The following NTM variants were observed in gnomAD, a reference collection of about 807,000 sequenced individuals.
NTM encodes the protein IgLON family member 2.
Under a neutral mutation model 42.1 loss-of-function variants are expected in NTM, and 13 were observed. That is an observed-to-expected ratio of 0.31 (90% CI 0.20 to 0.49). The LOEUF is 0.49. Among genes scored for constraint, NTM ranks in the 20% least tolerant of loss-of-function variants. The pLI is 0.99. For missense variants in NTM, 373 were observed against 452.8 expected, an observed-to-expected ratio of 0.82 and a Z score of 1.60; for synonymous variants, 187 against 179.2, an observed-to-expected ratio of 1.04 and a Z score of -0.35.
chr11:131,405,481 C>T lies in NTM; in HGVS notation c.82+34593C>T, dbSNP rs547827043. ...GTCCTTCCCTTTCCTTCACCCTTAACATCAAATCCATTAGCATTTCTTGTT... is the reference window on the plus strand; with the variant it reads ...GTCCTTCCCTTTCCTTCACCCTTAATATCAAATCCATTAGCATTTCTTGTT... On this transcript the variant is annotated intron_variant, in intron 1 of 8. Coordinates refer to ENST00000683400, the MANE Select transcript of NTM (RefSeq NM_001352005.2). 6.6e-5 allele frequency among the ~76,000 whole-genome samples: 10 copies of T among 152,310 alleles called. No homozygotes were observed. In the South Asian group the frequency reaches 2.1e-3, roughly 32 times the overall value.
At position 132,330,192 on chromosome 11, in the gene NTM, A is replaced by C; in HGVS notation, c.967+7A>C. ...GCCCTGACCCCTTGGAAAGGTTTGTATATTTTTCAGACAGCTGCTGCCTTG... is the reference window on the plus strand; with the variant it reads ...GCCCTGACCCCTTGGAAAGGTTTGTCTATTTTTCAGACAGCTGCTGCCTTG... On this transcript the variant is annotated splice_region_variant and intron_variant, in intron 8 of 8. Coordinates refer to ENST00000683400, the MANE Select transcript of NTM (RefSeq NM_001352005.2). 1.9e-6 allele frequency: 3 copies of C among 1,551,590 alleles called. No homozygotes were observed. The highest frequency in any genetic ancestry group is 2.6e-6 in the Non-Finnish European group (3 of 1,146,880).
At chr11:131,592,379 C>T (rs1482928068) in intron 1 of NTM, among the ~76,000 whole-genome samples, 10 of 152,090 alleles carry the variant, frequency 6.6e-5, no homozygotes, top group East Asian at 1.9e-4. Flanking sequence ...CTAAGATCCA[C>T]GAAGTCTAGC....
At chr11:131,912,327 G>A (rs492768) in intron 2 of NTM, among the ~76,000 whole-genome samples, 24,671 of 152,204 alleles carry the variant, frequency 0.16, 2,323 homozygotes, top group South Asian at 0.29. Context: ...AACGGTACAT[G>A]CAAAACTCGT....
intron 1 of NTM, among the ~76,000 whole-genome samples, chr11:131,442,799 T>C (rs548994578): frequency 6.6e-6 from 1 of 151,962 alleles, no homozygotes; most frequent in African/African-American, 2.4e-5. Flanking sequence ...TACGTGTATA[T>C]ATTATATATA....
chr11:132,211,988 G>A (rs1236829337), intron 3 of NTM, 34 bp from the exon 4 acceptor site: 2 of 1,597,632 alleles, frequency 1.3e-6, no homozygotes, highest in South Asian at 1.1e-5. Flanking sequence ...TGTTTCAGGA[G>A]GATTTTTATT....
intron 2 of NTM, among the ~76,000 whole-genome samples, chr11:132,106,875 C>T (rs955000290): frequency 2.6e-5 from 4 of 152,072 alleles, no homozygotes; most frequent in Non-Finnish European, 4.4e-5. Flanking sequence ...ATTCCCTGAG[C>T]GTGATCATTT....
At chr11:132,053,278 T>C (rs2079116061) in intron 2 of NTM, among the ~76,000 whole-genome samples, 1 of 152,226 alleles carries the variant, frequency 6.6e-6, no homozygotes. Context: ...ATCCGAGGCT[T>C]ACCCGATGCC....
intron 1 of NTM, among the ~76,000 whole-genome samples, chr11:131,902,627 A>C (rs570797481): frequency 6.6e-6 from 1 of 152,326 alleles, no homozygotes; most frequent in East Asian, 1.9e-4. Flanking sequence ...TCAGTAGTCA[A>C]CTGATCTGAT....
At chr11:132,244,747 C>T (rs961719741) in intron 4 of NTM, among the ~76,000 whole-genome samples, 2 of 152,186 alleles carry the variant, frequency 1.3e-5, no homozygotes, top group Admixed American at 6.5e-5. Context: ...TGAGAGAAAG[C>T]CTGTGACCTC....
At chr11:131,474,400 T>G (rs938459105) in intron 1 of NTM, among the ~76,000 whole-genome samples, 1 of 152,032 alleles carries the variant, frequency 6.6e-6, no homozygotes, top group Non-Finnish European at 1.5e-5. Flanking sequence ...TCATTTACAC[T>G]CATGTCTTAA....
intron 1 of NTM, among the ~76,000 whole-genome samples, chr11:131,489,955 C>T (rs1954599066): frequency 6.6e-6 from 1 of 152,224 alleles, no homozygotes; most frequent in Non-Finnish European, 1.5e-5. Context: ...AGAAGCATGG[C>T]CCCAGCATCT....
intron 1 of NTM, among the ~76,000 whole-genome samples, chr11:131,718,867 C>T (rs1286224218): frequency 6.6e-6 from 1 of 152,144 alleles, no homozygotes; most frequent in Non-Finnish European, 1.5e-5. Context: ...ATGCTGTGCT[C>T]CTCTCGTTTT....
intron 1 of NTM, among the ~76,000 whole-genome samples, chr11:131,715,156 C>CCA (rs2077557366): frequency 6.6e-6 from 1 of 152,158 alleles, no homozygotes; most frequent in Non-Finnish European, 1.5e-5. Context: ...GATATGGTGG[C>CCA]TTAAACAAGA....
chr11:131,566,251 G>A (rs1479978431), intron 1 of NTM, among the ~76,000 whole-genome samples: 1 of 152,176 alleles, frequency 6.6e-6, no homozygotes, highest in Non-Finnish European at 1.5e-5. Context: ...CTCAAATGAT[G>A]CTGCTAAGTT....
intron 2 of NTM, among the ~76,000 whole-genome samples, chr11:132,133,607 G>A (rs1356492163): frequency 6.6e-6 from 1 of 152,110 alleles, no homozygotes; most frequent in African/African-American, 2.4e-5. Flanking sequence ...AGAGACCCCT[G>A]ACACACAGCC....
At chr11:132,205,406 CAAG>C (rs1296395841) in intron 3 of NTM, among the ~76,000 whole-genome samples, 1 of 152,162 alleles carries the variant, frequency 6.6e-6, no homozygotes, top group African/African-American at 2.4e-5. Context: ...GAAGCTAAAC[CAAG>C]AGTAGGGAAG....
intron 3 of NTM, among the ~76,000 whole-genome samples, chr11:132,188,186 A>G (rs1321972951): frequency 6.6e-6 from 1 of 152,172 alleles, no homozygotes; most frequent in Non-Finnish European, 1.5e-5. Context: ...GAGATTCTGC[A>G]AAACATCCTG....
chr11:131,545,174 G>A (rs1313872640), intron 1 of NTM, among the ~76,000 whole-genome samples: 3 of 152,084 alleles, frequency 2.0e-5, no homozygotes, highest in South Asian at 2.1e-4. Context: ...GTGAAAATGG[G>A]TATCATTTCT....
chr11:132,294,917 A>T (rs1047933976), intron 4 of NTM, among the ~76,000 whole-genome samples: 1 of 152,212 alleles, frequency 6.6e-6, no homozygotes, highest in Non-Finnish European at 1.5e-5. Flanking sequence ...GGCACACTGC[A>T]TGCCAAGGAA....
Sources: allele counts gnomAD v4.1 joint callset (sites outside exome capture counted in the v4.1 genomes callset), GRCh38; gene constraint gnomAD v4.1.1; transcripts MANE v1.5; gene names NCBI Gene and HGNC (gene_info 2026-07-23, HGNC 2026-07-21).